The following ZNF229 variants were observed in gnomAD, a reference collection of about 807,000 sequenced individuals.
ZNF229 encodes zinc finger protein 229.
A neutral mutation model predicts 11.8 loss-of-function variants in ZNF229; 10 were observed. That is an observed-to-expected ratio of 0.85 (90% confidence interval 0.52 to 1.44). ZNF229 has a LOEUF of 1.44. Ranked by LOEUF, ZNF229 falls within the 40% of genes most tolerant of loss-of-function variation. The probability of loss-of-function intolerance (pLI) is 0.00; values close to 1 mark genes in which losing one functional copy is unlikely to be tolerated. For synonymous variants in ZNF229, 368 were observed against 374.8 expected (o/e 0.98, Z 0.21); for missense variants, 1,045 against 1,015.1 (o/e 1.03, Z -0.40).
In ZNF229 at chr19:44,428,366, GA is replaced by G; in HGVS notation, c.2414del (p.Phe805SerfsTer15). ...GGTTCCGCAGACCTGAGGTATAACT[GA>G]AGCCTTTCCCACACACACCACACGT... ...PYTCGVCGKG[F>X]SYTSGLRNHQ... On this transcript the variant is annotated frameshift_variant, in exon 6 of 6. Coordinates refer to ENST00000614049, the MANE Select transcript of ZNF229 (RefSeq NM_014518.4). LOFTEE classifies it low-confidence loss of function (END_TRUNC). 1 of 1,614,044 alleles carries G rather than the reference GA, an allele frequency of 6.2e-7. No individual in the cohort carries two copies. Among genetic ancestry groups the G allele is most frequent in the Non-Finnish European group, 8.5e-7 (1 of 1,180,006 alleles).
Position 44,428,874 on chromosome 19 carries a change from C to T in ZNF229, c.1907G>A (p.Gly636Asp). ...KPYKCAECGK[G>D]FSYSSGLLIH... ...GAGAAGCCCTGAGCTGTAACTGAAG[C>T]CTTTGCCACACTCAGCACATTTATA... The change falls in exon 6 of 6, where the codon GGC (glycine) becomes GAC (aspartate). Residue 636 changes from glycine to aspartate, a missense_variant. Coordinates refer to ENST00000614049, the MANE Select transcript of ZNF229 (RefSeq NM_014518.4). 6.2e-7 allele frequency: 1 copy of T among 1,613,598 alleles called. No individual in the cohort carries two copies. Among genetic ancestry groups the T allele is most frequent in the Non-Finnish European group, 8.5e-7 (1 of 1,179,944 alleles).
chr19:44,440,409 A>C (rs1971888159), intron 4 of ZNF229, among the ~76,000 whole-genome samples: 1 of 152,216 alleles, frequency 6.6e-6, no homozygotes, highest in African/African-American at 2.4e-5. Context: ...GCATTCCAGG[A>C]AGACCAACTG....
rs533845225 is a variant in ZNF229 at position 44,426,384 on chromosome 19, T to C, written c.*1919A>G. On this transcript the variant is annotated 3_prime_UTR_variant, in exon 6 of 6. Coordinates refer to ENST00000614049, the MANE Select transcript of ZNF229 (RefSeq NM_014518.4). ...AAGTAAAATACATAAAAGTACAACA[T>C]ATGTATTATACATTCAGAATCCCAC... 6.6e-6 allele frequency: 1 copy of C among 152,254 alleles called. No individual in the cohort carries two copies. The highest frequency in any genetic ancestry group is 2.1e-4 in the South Asian group (1 of 4,822). The allele number at this position is 152,254 out of a possible 1,614,324, so 9.4% of individuals were successfully genotyped here.
At chr19:44,447,140 A>G (rs755085418) in intron 2 of ZNF229, among the ~76,000 whole-genome samples, 10 of 152,232 alleles carry the variant, frequency 6.6e-5, no homozygotes, top group African/African-American at 2.4e-4. Flanking sequence ...CAATAGAAAT[A>G]CATTCATTTA....
chr19:44,432,026 A>G, intron 5 of ZNF229, 196 bp downstream of exon 5: 1 of 1,154,928 alleles, frequency 8.7e-7, no homozygotes, highest in Non-Finnish European at 1.1e-6. Context: ...CCAGAACCCA[A>G]CTATGCTGGC....
chr19:44,444,435 A>T (rs1971970765), intron 2 of ZNF229, among the ~76,000 whole-genome samples: 1 of 151,996 alleles, frequency 6.6e-6, no homozygotes. Flanking sequence ...CCCTTCATGC[A>T]CTGCCCTGAA....
rs1971667316 is a variant in ZNF229 at position 44,429,550 on chromosome 19, C to T, written c.1231G>A (p.Gly411Arg). Reference protein sequence around the residue: ...GEKPYKCSECGKGFSYSSVLQ... With the variant: ...GEKPYKCSECRKGFSYSSVLQ... ...ACTGAGCTGTAACTGAAGCCCTTCC[C>T]ACACTCGCTGCATTTATATGGTTTC... The change falls in exon 6 of 6, where the codon GGG (glycine) becomes AGG (arginine). Residue 411 changes from glycine to arginine, a missense_variant. Transcript: ENST00000614049. 6.2e-7 allele frequency: 1 copy of T among 1,613,666 alleles called. No individual in the cohort carries two copies. Among genetic ancestry groups the T allele is most frequent in the African/African-American group, 1.3e-5 (1 of 74,834 alleles).
Position 44,428,944 on chromosome 19 carries a change from A to G in ZNF229, c.1837T>C (p.Ser613Pro), listed in dbSNP as rs368982232. The change falls in exon 6 of 6, where the codon TCC becomes CCC. Residue 613 changes from serine to proline, a missense_variant. By Grantham distance (74) the Ser-to-Pro change is moderately conservative. Coordinates refer to ENST00000614049, the MANE Select transcript of ZNF229 (RefSeq NM_014518.4). ...DVCGKGFIYS[S>P]DLLIHQRVHT... is the part of the protein sequence containing the mutation. ...ACCCTCTGATGGATAAGGAGGTCGG[A>G]GCTGTAGATGAAACCCTTCCCACAC... is the stretch of plus-strand genomic sequence containing the variant. The G allele has an allele frequency of 3.1e-6, 5 of 1,613,550 alleles. No homozygotes were observed. The highest frequency in any genetic ancestry group is 4.2e-6 in the Non-Finnish European group (5 of 1,179,924).
intron 4 of ZNF229, among the ~76,000 whole-genome samples, chr19:44,437,541 T>G (rs1971835975): frequency 6.6e-6 from 1 of 152,156 alleles, no homozygotes; most frequent in Non-Finnish European, 1.5e-5. Context: ...AGTTTAGACA[T>G]CATACAAAGC....
intron 2 of ZNF229, among the ~76,000 whole-genome samples, chr19:44,444,010 G>A (rs760263056): frequency 4.0e-5 from 6 of 151,756 alleles, no homozygotes; most frequent in East Asian, 1.9e-4. Context: ...CCTTTCACAC[G>A]GCCTCCATGG....
rs558363488 is a variant in ZNF229 at position 44,445,490 on chromosome 19, G to C, written c.-178+2023C>G. ...TCTGCTCAGCTCTGGCTTCCTTGCT[G>C]TTCTTCACATGCCCTCATCACCGGG... On this transcript the variant is annotated intron_variant, in intron 2 of 5. Transcript: ENST00000614049. Among the ~76,000 whole-genome samples the C allele has an allele frequency of 1.8e-4, 28 of 152,162 alleles. No homozygotes were observed. The South Asian group carries it at 4.4e-3, about 24-fold the overall frequency.
intron 3 of ZNF229, 50 bp downstream of exon 3, chr19:44,442,764 C>A: frequency 6.2e-7 from 1 of 1,610,676 alleles, no homozygotes; most frequent in Non-Finnish European, 8.5e-7. Context: ...TTTTCTCCTC[C>A]ACACTCAGTT....
chr19:44,431,453 G>A (rs745731206), intron 5 of ZNF229, among the ~76,000 whole-genome samples: 20 of 152,200 alleles, frequency 1.3e-4, no homozygotes, highest in Middle Eastern at 3.4e-3. Context: ...ATTCATCTGA[G>A]GACTCTCAAT....
chr19:44,442,434 G>A, intron 4 of ZNF229, 129 bp downstream of exon 4: 1 of 878,862 alleles, frequency 1.1e-6, no homozygotes, highest in African/African-American at 1.7e-5. Context: ...ACTATTTTGT[G>A]GATAAATGCA....
rs558423485 is a variant in ZNF229, at chr19:44,433,553, G to A, written c.94-1187C>T. Among the ~76,000 whole-genome samples, 5 of 151,426 alleles carry A rather than the reference G, an allele frequency of 3.3e-5. No homozygotes were observed. In the East Asian group the frequency reaches 5.8e-4, roughly 18 times the overall value. On this transcript the variant is annotated intron_variant, in intron 4 of 5. Coordinates refer to ENST00000614049, the MANE Select transcript of ZNF229 (RefSeq NM_014518.4). ...AAAATTGTATGGTACCTCTACCCCC[G>A]CCCCCCAACTCTCCCGCCACACTTC...
chr19:44,438,912 T>G (rs148968692), intron 4 of ZNF229, among the ~76,000 whole-genome samples: 143 of 152,308 alleles, frequency 9.4e-4, no homozygotes, highest in African/African-American at 2.9e-3. Flanking sequence ...CATAAGTGTT[T>G]CCCTGAGTTC....
chr19:44,441,656 A>C (rs10420026), intron 4 of ZNF229, among the ~76,000 whole-genome samples: 2,299 of 152,268 alleles, frequency 0.015, 47 homozygotes, highest in African/African-American at 0.053. Context: ...CCATATCACT[A>C]TATGTGTGTG....
intron 5 of ZNF229, 22 bp downstream of exon 5, chr19:44,432,200 C>T: frequency 6.3e-7 from 1 of 1,599,462 alleles, no homozygotes; most frequent in Non-Finnish European, 8.5e-7. Flanking sequence ...AAGAACACTC[C>T]AAGAAGTTCA....
intron 2 of ZNF229, among the ~76,000 whole-genome samples, chr19:44,447,282 C>T (rs907547070): frequency 2.7e-5 from 4 of 149,062 alleles, no homozygotes; most frequent in Non-Finnish European, 6.0e-5. Context: ...GTTTCTTCAG[C>T]ATGGCGCTGA....
Sources: allele counts gnomAD v4.1 joint callset (sites outside exome capture counted in the v4.1 genomes callset), GRCh38; gene constraint gnomAD v4.1.1; transcripts MANE v1.5; gene names NCBI Gene and HGNC (gene_info 2026-07-23, HGNC 2026-07-21).